Variants in CFAP47 observed in about 807,000 individuals in gnomAD.
The protein encoded by CFAP47 is cilia- and flagella-associated protein 47.
Under a neutral mutation model 148.1 loss-of-function variants are expected in CFAP47, and 29 were observed. That is an observed-to-expected ratio of 0.20 (90% confidence interval 0.15 to 0.27). CFAP47 has a LOEUF of 0.27. Ranked by LOEUF, CFAP47 falls within the 10% of genes least tolerant of loss-of-function variation. CFAP47 has a pLI of 1.00. For synonymous variants in CFAP47, 664 were observed against 577.3 expected, an observed-to-expected ratio of 1.15 and a Z score of -2.15; for missense variants, 1,872 against 1,697.5, an observed-to-expected ratio of 1.10 and a Z score of -1.81.
chrX:36,121,616 TG>T (rs1383141558), intron 33 of CFAP47, among the ~76,000 whole-genome samples: 1 of 111,622 alleles, frequency 9.0e-6, no homozygotes, highest in Non-Finnish European at 1.9e-5. Flanking sequence ...AACTTAACAC[TG>T]GTTGCCTAAA....
intron 49 of CFAP47, among the ~76,000 whole-genome samples, chrX:36,256,946 A>G (rs1555999076): frequency 1.8e-5 from 2 of 112,338 alleles, no homozygotes; most frequent in Admixed American, 1.9e-4. Flanking sequence ...CAAAATTTTC[A>G]GTTGAGAGAG....
intron 2 of CFAP47, among the ~76,000 whole-genome samples, chrX:35,939,629 A>C (rs1229002001): frequency 1.2e-4 from 10 of 80,077 alleles, no homozygotes; most frequent in East Asian, 8.4e-4. Flanking sequence ...TGAACTCATC[A>C]TTTTTTATGG....
chrX:35,929,820 GA>G (rs1182481878), intron 2 of CFAP47, among the ~76,000 whole-genome samples: 3 of 110,256 alleles, frequency 2.7e-5, no homozygotes. Flanking sequence ...CCAACATGGA[GA>G]AACCTCGTCT....
intron 33 of CFAP47, among the ~76,000 whole-genome samples, chrX:36,108,673 T>C (rs1486972237): frequency 9.0e-6 from 1 of 111,646 alleles, no homozygotes; most frequent in African/African-American, 3.3e-5. Context: ...CTGCCTAAAA[T>C]CCTTTAATGG....
intron 35 of CFAP47, 62 bp downstream of exon 35, chrX:36,138,526 C>A: frequency 2.8e-6 from 3 of 1,052,741 alleles, no homozygotes; most frequent in African/African-American, 2.0e-5. Flanking sequence ...ATAGCTTGCT[C>A]ATTTATAATA....
intron 1 of CFAP47, among the ~76,000 whole-genome samples, chrX:35,924,976 C>T (rs1935713782): frequency 9.0e-6 from 1 of 110,956 alleles, no homozygotes; most frequent in Non-Finnish European, 1.9e-5. Flanking sequence ...TTGGGGTGGG[C>T]AGAGAAAGGA....
Position 36,303,853 on chromosome X carries a change from G to A in CFAP47, c.7975G>A (p.Val2659Ile). 1 of 1,089,908 alleles carries A rather than the reference G, an allele frequency of 9.2e-7. No homozygotes were observed. The highest frequency in any genetic ancestry group is 2.2e-5 in the South Asian group (1 of 46,492). The allele number at this position is 1,089,908 out of a possible 1,213,427, so 89.8% of individuals were successfully genotyped here. The change falls in exon 54 of 64, where the codon GTC (valine) becomes ATC (isoleucine). Residue 2659 changes from valine (V) to isoleucine (I), a missense_variant. Transcript: ENST00000378653. ...PEIQCDLGKHVTQIIPLVNCT... is the reference protein window; with the variant it reads ...PEIQCDLGKHITQIIPLVNCT... ...CTAGCTTTTTTTTTCTCCTAGGCAT[G>A]TCACTCAGATCATTCCTTTAGTTAA...
Position 35,937,258 on chromosome X carries a change from GT to G in CFAP47, c.402-4024del, listed in dbSNP as rs1393730478. 2.8e-5 allele frequency among the ~76,000 whole-genome samples: 3 copies of G among 108,029 alleles called. No individual in the cohort carries two copies. The East Asian group carries it at 8.8e-4, about 32-fold the overall frequency. 93.8% of individuals were successfully genotyped at this position (108,029 alleles called of 115,157 possible). A position where few individuals can be genotyped will look rare whatever the true frequency, so the allele number is the denominator to read the frequency against. On this transcript the variant is annotated intron_variant, in intron 2 of 63. Coordinates refer to ENST00000378653, the MANE Select transcript of CFAP47 (RefSeq NM_001304548.2). ...TGCTTCCCCTTGTCACTTATGATTG[GT>G]ATACCTCTTAATTGATCCCCAGGCT...
intron 46 of CFAP47, among the ~76,000 whole-genome samples, chrX:36,229,781 C>A (rs1242126455): frequency 3.5e-5 from 3 of 85,808 alleles, no homozygotes; most frequent in Non-Finnish European, 6.7e-5. Flanking sequence ...CCACAACAGT[C>A]CCCAGAGTGT....
chrX:36,006,624 T>C (rs1263665259), intron 21 of CFAP47, among the ~76,000 whole-genome samples: 1 of 112,040 alleles, frequency 8.9e-6, no homozygotes. Flanking sequence ...CAATACATGA[T>C]TGATTTATTG....
chrX:36,336,218 C>T (rs1442973432), intron 57 of CFAP47, among the ~76,000 whole-genome samples: 1 of 102,749 alleles, frequency 9.7e-6, no homozygotes, highest in East Asian at 3.0e-4. Context: ...CTCTCTGTCT[C>T]TCTCTCTCTC....
chrX:36,001,143 C>T (rs999021186), intron 20 of CFAP47, among the ~76,000 whole-genome samples: 5 of 111,431 alleles, frequency 4.5e-5, no homozygotes, highest in African/African-American at 1.6e-4. Flanking sequence ...AAGATAGTAG[C>T]GTTTGAGTCC....
intron 21 of CFAP47, among the ~76,000 whole-genome samples, chrX:36,013,053 C>T (rs972872929): frequency 3.6e-5 from 4 of 110,505 alleles, no homozygotes; most frequent in Admixed American, 9.7e-5. Flanking sequence ...TCTGACAACA[C>T]GGTTCCTGAC....
At chrX:36,348,825 A>G (rs1556016993) in intron 58 of CFAP47, among the ~76,000 whole-genome samples, 1 of 111,874 alleles carries the variant, frequency 8.9e-6, no homozygotes. Flanking sequence ...GCAAAATTCA[A>G]TAATCGTGCA....
rs782668492 is a variant in CFAP47, at chrX:36,371,948, GTGTGTA to G, written c.9185+4823_9185+4828del. 1.0e-3 allele frequency among the ~76,000 whole-genome samples: 102 copies of G among 98,923 alleles called. 2 individuals carry two copies. The highest frequency in any genetic ancestry group is 1.6e-3 in the Non-Finnish European group (79 of 48,432). 85.9% of individuals were successfully genotyped at this position (98,923 alleles called of 115,157 possible). A position where few individuals can be genotyped will look rare whatever the true frequency, so the allele number is the denominator to read the frequency against. The stretch of plus-strand genomic sequence containing the variant: ...TGTATATACACACATGTGTATATGT[GTGTGTA>G]TATATACACACATGTGTATATGTGT... On this transcript the variant is annotated intron_variant, in intron 62 of 63. Transcript: ENST00000378653.
intron 15 of CFAP47, among the ~76,000 whole-genome samples, chrX:35,977,324 C>T (rs902686464): frequency 8.9e-5 from 10 of 111,968 alleles, no homozygotes; most frequent in African/African-American, 3.2e-4. Context: ...ATGACTACAT[C>T]TCAAAGATTA....
intron 33 of CFAP47, among the ~76,000 whole-genome samples, chrX:36,133,950 A>G (rs1038895107): frequency 1.5e-4 from 17 of 110,850 alleles, no homozygotes; most frequent in African/African-American, 5.2e-4. Flanking sequence ...TACTATATTC[A>G]TTTATCAAAG....
At chrX:35,924,225 G>GTA (rs1233423705) in intron 1 of CFAP47, among the ~76,000 whole-genome samples, 5 of 100,421 alleles carry the variant, frequency 5.0e-5, no homozygotes, top group Admixed American at 2.1e-4. Flanking sequence ...GCATGTATGT[G>GTA]TATATATGGA....
chrX:36,174,356 G>C (rs1433659950), intron 39 of CFAP47, among the ~76,000 whole-genome samples: 5 of 108,970 alleles, frequency 4.6e-5, no homozygotes, highest in Non-Finnish European at 9.6e-5. Flanking sequence ...ATGTTAGCTG[G>C]TTATTTTGCT....
Sources: gnomAD v4.1 joint callset for allele counts (sites outside exome capture counted in the v4.1 genomes callset) on GRCh38, gnomAD v4.1.1 for gene constraint, MANE v1.5 for transcripts, NCBI Gene and HGNC (gene_info 2026-07-23, HGNC 2026-07-21) for gene names.